UGT1A7: variants seen among roughly 807,000 people sequenced by gnomAD.
UGT1A7 encodes UDP-glucuronosyltransferase 1A7.
UGT1A7 carries 33 observed loss-of-function variants against 45.6 expected under a neutral mutation model. The ratio of observed to expected loss-of-function variants is 0.72; its 90% CI spans 0.55 to 0.97. UGT1A7 has a LOEUF of 0.97. Ranked by LOEUF, UGT1A7 falls within the 50% of genes least tolerant of loss-of-function variation. The pLI is 0.00. For synonymous variants in UGT1A7, 274 were observed against 250.6 expected (o/e 1.09, Z -0.88); for missense variants, 684 against 666.2 (o/e 1.03, Z -0.29).
chr2:233,697,047 G>T (rs2075371720), intron 1 of UGT1A7, among the ~76,000 whole-genome samples: 1 of 150,766 alleles, frequency 6.6e-6, no homozygotes, highest in Admixed American at 6.6e-5. Context: ...CTTTTTTTTT[G>T]TTGTGTCCTT....
In UGT1A7 at chr2:233,752,740, G is replaced by C. The variant is rs146813256; in HGVS notation, c.856-14294G>C. Among the ~76,000 whole-genome samples, 785 of 152,256 alleles carry C rather than the reference G, an allele frequency of 5.2e-3. 4 individuals are homozygous for C. Among genetic ancestry groups the C allele is most frequent in the Non-Finnish European group, 8.2e-3 (561 of 68,032 alleles). On this transcript the variant is annotated intron_variant, in intron 1 of 4. Coordinates refer to ENST00000373426, the MANE Select transcript of UGT1A7 (RefSeq NM_019077.3). ...GGCAACAGCTACAGAGAGAGACCCTGTCTCTAAAACAAACAAACAAACAAA... is the reference window on the plus strand; with the variant it reads ...GGCAACAGCTACAGAGAGAGACCCTCTCTCTAAAACAAACAAACAAACAAA...
At position 233,769,778 on chromosome 2, in the gene UGT1A7, C is replaced by T. The variant is rs1165754282; in HGVS notation, c.1295+1339C>T. On this transcript the variant is annotated intron_variant, in intron 4 of 4. Coordinates refer to ENST00000373426, the MANE Select transcript of UGT1A7 (RefSeq NM_019077.3). The surrounding 1 kb of genome is among the most constrained non-coding windows in gnomAD (Gnocchi z 4.4). Reference sequence around the variant, plus strand: ...GCTAAGGCGGGAGGATTGCTTGAGCCCAGAAGTTGGAGGCTGCTATGAGCC... The same window carrying T: ...GCTAAGGCGGGAGGATTGCTTGAGCTCAGAAGTTGGAGGCTGCTATGAGCC... 2 of 1,373,484 alleles carry T rather than the reference C, an allele frequency of 1.5e-6. No individual in the cohort carries two copies. Among genetic ancestry groups the T allele is most frequent in the East Asian group, 5.2e-5 (2 of 38,786 alleles). The allele number at this position is 1,373,484 out of a possible 1,614,324, so 85.1% of individuals were successfully genotyped here.
At chr2:233,747,199 G>C in intron 1 of UGT1A7, 1 of 1,604,214 alleles carries the variant, frequency 6.2e-7, no homozygotes, top group African/African-American at 1.3e-5. Context: ...TCAGCTGTCC[G>C]TGTCTTCTGC....
chr2:233,714,694 G>A (rs187411884), intron 1 of UGT1A7, among the ~76,000 whole-genome samples: 374 of 152,256 alleles, frequency 2.5e-3, no homozygotes, highest in Non-Finnish European at 4.0e-3. Flanking sequence ...TTCAACATGT[G>A]AACTGTTTAA....
At chr2:233,738,225 T>C (rs1690730877) in intron 1 of UGT1A7, among the ~76,000 whole-genome samples, 1 of 152,022 alleles carries the variant, frequency 6.6e-6, no homozygotes, top group South Asian at 2.1e-4. Context: ...ATAAGTTTCC[T>C]GAGGCCCCTC....
chr2:233,762,496 C>A (rs923496675), intron 1 of UGT1A7, among the ~76,000 whole-genome samples: 3 of 152,178 alleles, frequency 2.0e-5, no homozygotes, highest in Non-Finnish European at 4.4e-5. Flanking sequence ...AATGCTATTA[C>A]TTTTTAAACT....
chr2:233,735,011 C>T (rs554046277), intron 1 of UGT1A7, among the ~76,000 whole-genome samples: 7 of 152,192 alleles, frequency 4.6e-5, no homozygotes, highest in Non-Finnish European at 1.0e-4. Flanking sequence ...GTGGAGAGTT[C>T]TGTAGATGTC....
intron 1 of UGT1A7, among the ~76,000 whole-genome samples, chr2:233,727,242 A>C (rs2077595836): frequency 6.6e-6 from 1 of 152,070 alleles, no homozygotes. Flanking sequence ...CTCCAAGTCT[A>C]TCTGTGCAGC....
rs7577677 is a variant in UGT1A7 at position 233,681,970 on chromosome 2, C to T, written c.33C>T (p.Pro11=). Residue 11 remains proline, a synonymous_variant, in exon 1 of 5, where the codon CCC becomes CCT. Coordinates refer to ENST00000373426, the MANE Select transcript of UGT1A7 (RefSeq NM_019077.3). The part of the protein sequence containing the change: MARAGWTGLL[P]LYVCLLLTCG... The stretch of plus-strand genomic sequence containing the variant: ...GTGCAGGGTGGACTGGCCTCCTTCC[C>T]CTATATGTGTGTCTACTGCTGACCT... 1.9e-6 allele frequency: 3 copies of T among 1,613,842 alleles called. No individual in the cohort carries two copies. Among genetic ancestry groups the T allele is most frequent in the South Asian group, 2.2e-5 (2 of 91,060 alleles).
chr2:233,766,944 A>T (rs1699286381), intron 1 of UGT1A7, 90 bp from the exon 2 acceptor site: 1 of 1,597,452 alleles, frequency 6.3e-7, no homozygotes, highest in Non-Finnish European at 8.5e-7. Context: ...TCATAGTCTT[A>T]AGAGGAAGAT....
chr2:233,730,701 T>C (rs948528383), intron 1 of UGT1A7, among the ~76,000 whole-genome samples: 9 of 152,052 alleles, frequency 5.9e-5, no homozygotes, highest in African/African-American at 2.2e-4. Flanking sequence ...ATTCTTCTAC[T>C]TGGAATGCTG....
intron 1 of UGT1A7, among the ~76,000 whole-genome samples, chr2:233,736,722 G>A (rs149071654): frequency 0.034 from 5,130 of 151,780 alleles, 99 homozygotes; most frequent in African/African-American, 0.051. Flanking sequence ...CCTTTTTGTT[G>A]ATGTTTATGC....
chr2:233,695,435 C>CT (rs747907611), intron 1 of UGT1A7, among the ~76,000 whole-genome samples: 38 of 130,502 alleles, frequency 2.9e-4, no homozygotes, highest in Middle Eastern at 4.3e-3. Flanking sequence ...TCTTCTTCTT[C>CT]TTTTTTTTTT....
chr2:233,727,434 G>A (rs2077616452), intron 1 of UGT1A7, among the ~76,000 whole-genome samples: 1 of 152,122 alleles, frequency 6.6e-6, no homozygotes, highest in African/African-American at 2.4e-5. Context: ...TCCCAGACAT[G>A]TGACAAGAAA....
At chr2:233,693,316 C>T in intron 1 of UGT1A7, 2 of 1,614,156 alleles carry the variant, frequency 1.2e-6, no homozygotes, top group Non-Finnish European at 1.7e-6. Context: ...AGCGATCATT[C>T]CTAACTGCTC....
intron 1 of UGT1A7, among the ~76,000 whole-genome samples, chr2:233,724,739 C>T (rs1254831303): frequency 5.5e-5 from 8 of 144,282 alleles, no homozygotes; most frequent in African/African-American, 1.6e-4. Flanking sequence ...AGAGGGGCTC[C>T]TCACATCCCA....
intron 1 of UGT1A7, chr2:233,761,265 GC>G: frequency 2.5e-6 from 4 of 1,595,896 alleles, no homozygotes; most frequent in Non-Finnish European, 3.4e-6. Context: ...AATTTAAAAT[GC>G]CCTCTTTTGT....
chr2:233,742,052 G>C (rs146940550), intron 1 of UGT1A7: 14 of 152,060 alleles, frequency 9.2e-5, no homozygotes, highest in African/African-American at 3.4e-4. Context: ...CAATAGGATA[G>C]TTCTGTGTGG....
chr2:233,697,789 C>T (rs865908903), intron 1 of UGT1A7, among the ~76,000 whole-genome samples: 1 of 152,014 alleles, frequency 6.6e-6, no homozygotes, highest in South Asian at 2.1e-4. Flanking sequence ...TCATTCGTTT[C>T]AAGTAATTTT....
Sources: gnomAD v4.1 joint callset for allele counts (sites outside exome capture counted in the v4.1 genomes callset) on GRCh38, gnomAD v4.1.1 for gene constraint, Gnocchi (gnomAD v3.1) non-coding constraint, MANE v1.5 for transcripts, NCBI Gene and HGNC (gene_info 2026-07-23, HGNC 2026-07-21) for gene names.